Variants in FAH observed in about 807,000 individuals in gnomAD.
FAH encodes the protein fumarylacetoacetase.
In FAH, 47 loss-of-function variants were observed where a neutral mutation model predicts 55.8. The observed-to-expected ratio is 0.84, with a 90% CI of 0.67 to 1.07. The LOEUF is 1.07. Among genes scored for constraint, FAH ranks in the 50% least tolerant of loss-of-function variants. The probability of loss-of-function intolerance (pLI) is 0.00; values close to 1 mark genes in which losing one functional copy is unlikely to be tolerated. For missense variants in FAH, 495 were observed against 545.9 expected (o/e 0.91, Z 0.93); for synonymous variants, 199 against 207.7 (o/e 0.96, Z 0.36).
At chr15:80,166,102 T>TG (rs1205500969) in intron 5 of FAH, 1 of 152,108 alleles carries the variant, frequency 6.6e-6, no homozygotes, top group East Asian at 1.9e-4. Context: ...ACAAAACTGT[T>TG]AATCGGTGTC....
At chr15:80,161,018 C>T (rs2041144345) in intron 4 of FAH, among the ~76,000 whole-genome samples, 1 of 152,182 alleles carries the variant, frequency 6.6e-6, no homozygotes, top group Non-Finnish European at 1.5e-5. Context: ...TGACCCTGCC[C>T]CTGGGGTACA....
At chr15:80,180,865 G>A (rs546330133) in intron 12 of FAH, among the ~76,000 whole-genome samples, 177 bp from the exon 13 acceptor site, 16 of 152,304 alleles carry the variant, frequency 1.1e-4, no homozygotes, top group Non-Finnish European at 2.9e-5. Context: ...AGAAGGGGCA[G>A]AGTTCCATGT....
intron 5 of FAH, among the ~76,000 whole-genome samples, chr15:80,165,634 G>A (rs536575020): frequency 6.6e-6 from 1 of 152,052 alleles, no homozygotes; most frequent in African/African-American, 2.4e-5. Context: ...GGTGGAGGTT[G>A]CAGTGAGCTG....
At chr15:80,183,963 G>A (rs994814314) in intron 13 of FAH, among the ~76,000 whole-genome samples, 6 of 152,206 alleles carry the variant, frequency 3.9e-5, no homozygotes, top group African/African-American at 1.4e-4. Flanking sequence ...TAAATGGCGC[G>A]ATGAAATTCT....
At chr15:80,154,518 A>G (rs2041081761) in intron 1 of FAH, among the ~76,000 whole-genome samples, 1 of 152,230 alleles carries the variant, frequency 6.6e-6, no homozygotes, top group Non-Finnish European at 1.5e-5. Context: ...CTGGGGGTGG[A>G]GAGTTGGCCC....
In FAH at chr15:80,173,280, T is replaced by G; in HGVS notation, c.837+136T>G. The G allele has an allele frequency of 3.4e-6, 4 of 1,170,646 alleles. No individual in the cohort carries two copies. The Admixed American group carries it at 5.2e-5, about 15-fold the overall frequency. The allele number at this position is 1,170,646 out of a possible 1,614,324, so 72.5% of individuals were successfully genotyped here. ...TGCCCACGGCATGCCCACAGCAGAG[T>G]GCCTGGGAGTTCCTGGCCACGATTA... On this transcript the variant is annotated intron_variant, in intron 9 of 13. Transcript: ENST00000561421.
At chr15:80,162,215 T>C (rs756177856) in intron 4 of FAH, 31 bp from the exon 5 acceptor site, 4 of 1,566,720 alleles carry the variant, frequency 2.6e-6, no homozygotes, top group Non-Finnish European at 3.5e-6. Flanking sequence ...TGTGGGTTGC[T>C]GATGGGATCT....
intron 12 of FAH, among the ~76,000 whole-genome samples, chr15:80,180,553 C>T (rs1227910938): frequency 6.6e-6 from 1 of 152,160 alleles, no homozygotes; most frequent in African/African-American, 2.4e-5. Context: ...GATGAGGTGG[C>T]CATGCTGCTG....
intron 5 of FAH, among the ~76,000 whole-genome samples, chr15:80,166,635 CTTT>C (rs768001652): frequency 1.7e-5 from 2 of 118,334 alleles, no homozygotes; most frequent in African/African-American, 3.2e-5. Context: ...TTTGCATTTT[CTTT>C]TTTTTTTTTT....
chr15:80,176,840 T>G (rs1007925557), intron 10 of FAH, among the ~76,000 whole-genome samples: 1 of 152,196 alleles, frequency 6.6e-6, no homozygotes, highest in Non-Finnish European at 1.5e-5. Flanking sequence ...GCAGTTCTGA[T>G]GTTCTGAGTT....
chr15:80,173,578 G>A (rs3752692), intron 9 of FAH: 253,294 of 343,142 alleles, frequency 0.74, 94,172 homozygotes, highest in East Asian at 0.88. Flanking sequence ...TCTGGTTCCC[G>A]GCACCGCTTG....
chr15:80,182,419 G>T (rs899986529), intron 13 of FAH, among the ~76,000 whole-genome samples: 1 of 152,206 alleles, frequency 6.6e-6, no homozygotes, highest in Non-Finnish European at 1.5e-5. Context: ...TGTGGCTGTT[G>T]GTTAGTTCTT....
rs762889444 is a variant in FAH at position 80,186,255 on chromosome 15, CA to C, written c.*48del. The C allele has an allele frequency of 2.0e-6, 3 of 1,494,058 alleles. No homozygotes were observed. The highest frequency in any genetic ancestry group is 2.8e-6 in the Non-Finnish European group (3 of 1,077,420). 92.6% of individuals were successfully genotyped at this position (1,494,058 alleles called of 1,614,324 possible). On this transcript the variant is annotated 3_prime_UTR_variant, in exon 14 of 14. Transcript: ENST00000561421. ...AAACAAAGGGCTCAAGCACCCCTTT[CA>C]ACCCTGTGACTGGGGTCCTCCCTCG...
upstream of FAH, chr15:80,152,905 G>T: frequency 1.5e-6 from 1 of 666,770 alleles, no homozygotes; most frequent in Non-Finnish European, 2.7e-6. Context: ...CCAAAAGTCA[G>T]GTAGGAGCCT....
chr15:80,170,542 G>T (rs2041231691), intron 7 of FAH, among the ~76,000 whole-genome samples: 1 of 152,242 alleles, frequency 6.6e-6, no homozygotes, highest in African/African-American at 2.4e-5. Context: ...CTTAGCAAGG[G>T]TACTATGTGA....
chr15:80,177,441 C>T (rs2041293158), intron 10 of FAH, 96 bp from the exon 11 acceptor site: 2 of 1,090,394 alleles, frequency 1.8e-6, no homozygotes, highest in South Asian at 1.3e-5. Flanking sequence ...TCATGTTGGA[C>T]AATGGGAAGC....
intron 7 of FAH, among the ~76,000 whole-genome samples, chr15:80,169,749 G>A (rs561671914): frequency 6.6e-6 from 1 of 152,268 alleles, no homozygotes; most frequent in South Asian, 2.1e-4. Context: ...TAGCCAGGAT[G>A]GTCTCGATCT....
At chr15:80,178,693 C>T (rs1238297206) in intron 11 of FAH, among the ~76,000 whole-genome samples, 1 of 151,648 alleles carries the variant, frequency 6.6e-6, no homozygotes, top group African/African-American at 2.4e-5. Flanking sequence ...ATGCCATTCT[C>T]CTGCCTCAGC....
intron 4 of FAH, among the ~76,000 whole-genome samples, chr15:80,161,220 C>CA (rs965747914): frequency 2.6e-5 from 4 of 152,042 alleles, no homozygotes; most frequent in Non-Finnish European, 5.9e-5. Flanking sequence ...TTGTGCAAAC[C>CA]ATATGTCTTT....
Sources: allele counts gnomAD v4.1 joint callset (sites outside exome capture counted in the v4.1 genomes callset), GRCh38; gene constraint gnomAD v4.1.1; transcripts MANE v1.5; gene names NCBI Gene and HGNC (gene_info 2026-07-23, HGNC 2026-07-21).